The following CDC73 variants were observed in gnomAD, a reference collection of about 807,000 sequenced individuals.
The protein encoded by CDC73 is cell division cycle 73, also known as parafibromin.
A neutral mutation model predicts 83.7 loss-of-function variants in CDC73; 21 were observed. The observed-to-expected ratio is 0.25, with a 90% CI of 0.18 to 0.36. The LOEUF is 0.36. CDC73 is among the 10% of genes least tolerant of loss of function. The pLI, the probability that CDC73 is intolerant of heterozygous loss-of-function variation, is 1.00. For synonymous variants in CDC73, 224 were observed against 212.9 expected (o/e 1.05, Z -0.45); for missense variants, 342 against 653.3 (o/e 0.52, Z 5.19).
At chr1:193,246,743 A>C (rs1411032521) in intron 15 of CDC73, among the ~76,000 whole-genome samples, 1 of 152,100 alleles carries the variant, frequency 6.6e-6, no homozygotes, top group African/African-American at 2.4e-5. Context: ...AATAAACTAT[A>C]ATTATTCTCT....
chr1:193,126,588 A>G, intron 2 of CDC73, among the ~76,000 whole-genome samples: 1 of 152,204 alleles, frequency 6.6e-6, no homozygotes, highest in East Asian at 1.9e-4. Context: ...CTTTTCCCTC[A>G]GATTATTTTT....
At chr1:193,150,218 C>T in intron 8 of CDC73, 86 bp from the exon 9 acceptor site, 3 of 954,778 alleles carry the variant, frequency 3.1e-6, no homozygotes, top group African/African-American at 1.6e-5. Context: ...CTGCAGTGAG[C>T]CATGGTCATG....
chr1:193,150,525 T>C (rs1676086601), intron 9 of CDC73, 143 bp downstream of exon 9: 2 of 662,096 alleles, frequency 3.0e-6, no homozygotes, highest in African/African-American at 3.6e-5. Flanking sequence ...TTAAATAACA[T>C]TTTGTTGGGA....
At chr1:193,207,108 T>A (rs1419823285) in intron 11 of CDC73, among the ~76,000 whole-genome samples, 1 of 152,162 alleles carries the variant, frequency 6.6e-6, no homozygotes, top group Non-Finnish European at 1.5e-5. Context: ...CAGCTGGGCC[T>A]CCAGGGGTAA....
chr1:193,203,554 A>C (rs1677127310), intron 10 of CDC73, among the ~76,000 whole-genome samples: 1 of 152,140 alleles, frequency 6.6e-6, no homozygotes, highest in South Asian at 2.1e-4. Context: ...GTAGTAACTA[A>C]GTTTATTTTA....
intron 11 of CDC73, 52 bp downstream of exon 11, chr1:193,203,904 G>A: frequency 6.8e-7 from 1 of 1,480,398 alleles, no homozygotes; most frequent in Non-Finnish European, 9.4e-7. Context: ...TCGTAACAGT[G>A]CAAGTTTTTA....
At chr1:193,124,800 T>C (rs1675534321) in intron 1 of CDC73, among the ~76,000 whole-genome samples, 1 of 152,254 alleles carries the variant, frequency 6.6e-6, no homozygotes, top group Non-Finnish European at 1.5e-5. Flanking sequence ...TTATGGATCC[T>C]CTTCGATATG....
intron 2 of CDC73, chr1:193,128,286 T>C (rs943912099): frequency 6.6e-6 from 1 of 152,054 alleles, no homozygotes; most frequent in African/African-American, 2.4e-5. Context: ...TATAGACTGG[T>C]TTATTTTTAT....
chr1:193,135,293 A>G (rs1572150298), intron 3 of CDC73, 98 bp from the exon 4 acceptor site: 1 of 964,044 alleles, frequency 1.0e-6, no homozygotes, highest in Non-Finnish European at 1.6e-6. Flanking sequence ...AAATCACCAT[A>G]TAGAAGTATA....
intron 2 of CDC73, among the ~76,000 whole-genome samples, chr1:193,126,958 A>G (rs190441444): frequency 5.9e-5 from 9 of 152,204 alleles, no homozygotes; most frequent in Admixed American, 5.9e-4. Context: ...TTCAAACAAT[A>G]ACTTGTTGTC....
At chr1:193,207,018 A>G (rs899760993) in intron 11 of CDC73, among the ~76,000 whole-genome samples, 9 of 152,262 alleles carry the variant, frequency 5.9e-5, no homozygotes, top group South Asian at 2.1e-4. Flanking sequence ...CCAGCCCCCA[A>G]TATTTAAATA....
In CDC73 at chr1:193,202,558, T is replaced by C. The variant is rs150943647; in HGVS notation, c.973-1237T>C. Among the ~76,000 whole-genome samples the C allele has an allele frequency of 4.0e-5, 6 of 149,480 alleles. No homozygotes were observed. The East Asian group carries it at 1.2e-3, about 29-fold the overall frequency. On this transcript the variant is annotated intron_variant, in intron 10 of 16. Transcript: ENST00000367435. ...AAATACACCAATATATATTAATAAC[T>C]AAATGCGCAATAGTGAGAATGTTGG... is the stretch of plus-strand genomic sequence containing the variant.
chr1:193,179,678 A>G (rs535705502), intron 10 of CDC73: 1 of 152,702 alleles, frequency 6.5e-6, no homozygotes, highest in Non-Finnish European at 1.5e-5. Context: ...TTAATAAAAG[A>G]AAGTATTAAT....
intron 10 of CDC73, among the ~76,000 whole-genome samples, chr1:193,167,201 T>C (rs190639416): frequency 3.5e-4 from 54 of 152,296 alleles, no homozygotes; most frequent in African/African-American, 1.3e-3. Context: ...GCTCCACACA[T>C]AGTTTTAACT....
chr1:193,151,749 C>A (rs865830846), intron 9 of CDC73, among the ~76,000 whole-genome samples: 1 of 151,960 alleles, frequency 6.6e-6, no homozygotes, highest in East Asian at 1.9e-4. Context: ...ATGGCAAAAC[C>A]GCATCTCTAC....
chr1:193,125,598 A>G (rs920448731), intron 2 of CDC73, among the ~76,000 whole-genome samples: 1 of 148,152 alleles, frequency 6.7e-6, no homozygotes, highest in African/African-American at 2.5e-5. Flanking sequence ...TTTTTTTGAG[A>G]TAGGATCTGG....
At chr1:193,146,461 A>C (rs537015985) in intron 7 of CDC73, among the ~76,000 whole-genome samples, 1 of 150,960 alleles carries the variant, frequency 6.6e-6, no homozygotes, top group Non-Finnish European at 1.5e-5. Context: ...GGGTCATTTC[A>C]TGGCAGAAGG....
chr1:193,176,338 G>A (rs186477990), intron 10 of CDC73, among the ~76,000 whole-genome samples: 1 of 152,270 alleles, frequency 6.6e-6, no homozygotes, highest in African/African-American at 2.4e-5. Flanking sequence ...CACAAGAACT[G>A]TTTTGCTTTT....
chr1:193,144,318 A>G (rs768396865), intron 7 of CDC73, among the ~76,000 whole-genome samples: 9 of 151,774 alleles, frequency 5.9e-5, no homozygotes, highest in Middle Eastern at 3.4e-3. Context: ...TGAAAAACTA[A>G]TAAAAAGGAG....
Sources: allele counts gnomAD v4.1 joint callset (sites outside exome capture counted in the v4.1 genomes callset), GRCh38; gene constraint gnomAD v4.1.1; transcripts MANE v1.5; gene names NCBI Gene and HGNC (gene_info 2026-07-23, HGNC 2026-07-21).